The following PKD1L3 variants were observed in gnomAD, a reference collection of about 807,000 sequenced individuals.
PKD1L3 encodes the protein polycystin 1 like 3, transient receptor potential channel interacting.
A neutral mutation model predicts 184.1 loss-of-function variants in PKD1L3; 239 were observed. That is an observed-to-expected ratio of 1.30 (90% CI 1.17 to 1.45). PKD1L3 has a LOEUF of 1.45. PKD1L3 is among the 40% of genes most tolerant of loss of function. PKD1L3 has a pLI of 0.00. For missense variants in PKD1L3, 2,660 were observed against 2,067.2 expected, an observed-to-expected ratio of 1.29 and a Z score of -5.56; for synonymous variants, 996 against 778.8, an observed-to-expected ratio of 1.28 and a Z score of -4.64.
At chr16:71,938,056 G>A (rs992391488) in intron 24 of PKD1L3, among the ~76,000 whole-genome samples, 2 of 152,148 alleles carry the variant, frequency 1.3e-5, no homozygotes, top group Non-Finnish European at 2.9e-5. Flanking sequence ...GAGTTGGAGG[G>A]TTGGGAGCCC....
chr16:71,983,663 C>CTTTTTTTTTTTTTTTTTTTTTTTT (rs1180950058), intron 6 of PKD1L3, among the ~76,000 whole-genome samples: 4 of 100,308 alleles, frequency 4.0e-5, no homozygotes, highest in African/African-American at 1.6e-4. Flanking sequence ...GATTCTCTTT[C>CTTTTTTTTTTTTTTTTTTTTTTTT]TTTTTTTTTT....
chr16:71,977,000 C>A (rs189958279), intron 11 of PKD1L3, among the ~76,000 whole-genome samples: 348 of 152,360 alleles, frequency 2.3e-3, no homozygotes, highest in Non-Finnish European at 4.0e-3. Context: ...GCCTCGGCCT[C>A]CCAAAGTGCT....
At chr16:71,963,721 T>G (rs564483713) in intron 15 of PKD1L3, among the ~76,000 whole-genome samples, 1 of 152,240 alleles carries the variant, frequency 6.6e-6, no homozygotes, top group East Asian at 1.9e-4. Context: ...AGGTCAAGGC[T>G]GCAGTGAGTT....
chr16:71,930,523 C>T (rs1370016966), intron 28 of PKD1L3: 1 of 177,906 alleles, frequency 5.6e-6, no homozygotes, highest in African/African-American at 2.4e-5. Context: ...TAAGCAAACA[C>T]TGAAAGATTA....
chr16:71,954,403 A>T, intron 16 of PKD1L3, 102 bp from the exon 17 acceptor site: 1 of 841,954 alleles, frequency 1.2e-6, no homozygotes. Context: ...AGCAACTCCC[A>T]AGCCTCTATT....
At chr16:71,996,507 G>A (rs1037505030) in intron 2 of PKD1L3, among the ~76,000 whole-genome samples, 4 of 152,042 alleles carry the variant, frequency 2.6e-5, no homozygotes, top group Non-Finnish European at 5.9e-5. Flanking sequence ...TGATCCACCC[G>A]CCTTGGCCTC....
rs149510985 is a variant in PKD1L3, at chr16:71,986,228, G to C, written c.827C>G (p.Ser276Cys). 3 of 1,552,318 alleles carry C rather than the reference G, an allele frequency of 1.9e-6. No individual in the cohort carries two copies. Among genetic ancestry groups the C allele is most frequent in the Non-Finnish European group, 2.6e-6 (3 of 1,147,096 alleles). ...TGAATTTCCCATGTTTACCTGACCA[G>C]ATGCCTTCTGCAATGACACTTGTAG... The part of the protein sequence containing the change: ...SYLQVSLQKA[S>C]GQVIDEIAGN... Residue 276 changes from serine (S) to cysteine (C), a missense_variant, in exon 5 of 30, where the codon TCT becomes TGT. Ser to Cys is a moderately radical substitution (Grantham distance 112, BLOSUM62 -1). Transcript: ENST00000620267.
chr16:71,949,773 C>G lies in PKD1L3; in HGVS notation c.3618+10G>C, dbSNP rs1567503461. 2 of 1,546,024 alleles carry G rather than the reference C, an allele frequency of 1.3e-6. No homozygotes were observed. The highest frequency in any genetic ancestry group is 1.7e-6 in the Non-Finnish European group (2 of 1,143,416). On this transcript the variant is annotated intron_variant, in intron 21 of 29. Transcript: ENST00000620267. ...TGCAACTCCAATGGTTCTTCCCATCCCTCACATACCTTTACTGGCTGGCTG... is the reference window on the plus strand; with the variant it reads ...TGCAACTCCAATGGTTCTTCCCATCGCTCACATACCTTTACTGGCTGGCTG...
intron 12 of PKD1L3, among the ~76,000 whole-genome samples, chr16:71,971,875 G>A (rs1199933482): frequency 6.6e-6 from 1 of 152,126 alleles, no homozygotes; most frequent in Non-Finnish European, 1.5e-5. Context: ...GAGGTCGGGA[G>A]TTTGAGACCA....
chr16:71,990,626 C>G (rs376869117), intron 3 of PKD1L3, among the ~76,000 whole-genome samples: 12 of 151,658 alleles, frequency 7.9e-5, no homozygotes, highest in Non-Finnish European at 1.5e-4. Context: ...CCCAGCTACT[C>G]GGGAGGCTGA....
At chr16:71,997,574 C>A (rs990220860) in intron 2 of PKD1L3, among the ~76,000 whole-genome samples, 1 of 151,972 alleles carries the variant, frequency 6.6e-6, no homozygotes, top group African/African-American at 2.4e-5. Context: ...CATGGAGAAA[C>A]CCCATCTCTA....
At chr16:71,948,373 A>C (rs1464276470) in intron 21 of PKD1L3, among the ~76,000 whole-genome samples, 1 of 151,840 alleles carries the variant, frequency 6.6e-6, no homozygotes, top group Non-Finnish European at 1.5e-5. Flanking sequence ...GTGAGCCCCC[A>C]CAGCTGGCCT....
At chr16:71,980,917 A>C (rs1369210453) in intron 7 of PKD1L3, among the ~76,000 whole-genome samples, 1 of 152,194 alleles carries the variant, frequency 6.6e-6, no homozygotes, top group Non-Finnish European at 1.5e-5. Context: ...GGCAACAACG[A>C]ATCTACTTTA....
At chr16:71,952,819 C>A in intron 18 of PKD1L3, 75 bp downstream of exon 18, 2 of 1,438,324 alleles carry the variant, frequency 1.4e-6, no homozygotes, top group Non-Finnish European at 1.9e-6. Flanking sequence ...GTCTGTGCAA[C>A]AGAGCCAGAC....
chr16:71,947,171 C>T (rs979856517), intron 22 of PKD1L3, among the ~76,000 whole-genome samples: 1 of 152,048 alleles, frequency 6.6e-6, no homozygotes, highest in Non-Finnish European at 1.5e-5. Flanking sequence ...ACAGGAGAAT[C>T]GCTTGAACCC....
In PKD1L3 at chr16:71,997,146, G is replaced by A. The variant is rs371796800; in HGVS notation, c.418+1126C>T. Among the ~76,000 whole-genome samples the A allele has an allele frequency of 1.4e-4, 21 of 152,192 alleles. 1 individual carries two copies. Among genetic ancestry groups the A allele is most frequent in the Admixed American group, 1.0e-3 (16 of 15,280 alleles). On this transcript the variant is annotated intron_variant, in intron 2 of 29. Coordinates refer to ENST00000620267, the MANE Select transcript of PKD1L3 (RefSeq NM_181536.2). The stretch of plus-strand genomic sequence containing the variant: ...TGGTTTAATCATTCACCTGTTGACA[G>A]ACATCTGAATTGTTTCCAGTTTTGT...
At chr16:71,974,991 T>C (rs1445239775) in intron 11 of PKD1L3, among the ~76,000 whole-genome samples, 1 of 152,176 alleles carries the variant, frequency 6.6e-6, no homozygotes, top group African/African-American at 2.4e-5. Flanking sequence ...CAGTACTATA[T>C]TTAAAGTTGA....
chr16:71,961,086 T>C (rs2039260056), intron 16 of PKD1L3, among the ~76,000 whole-genome samples: 1 of 152,120 alleles, frequency 6.6e-6, no homozygotes, highest in African/African-American at 2.4e-5. Flanking sequence ...TTCCCACTTC[T>C]TGCTGAGAGT....
intron 5 of PKD1L3, among the ~76,000 whole-genome samples, chr16:71,985,067 A>T (rs1282182403): frequency 1.3e-5 from 2 of 152,140 alleles, no homozygotes; most frequent in Non-Finnish European, 2.9e-5. Context: ...AGAATACCTC[A>T]CTCACAGCCT....
Sources: allele counts gnomAD v4.1 joint callset (sites outside exome capture counted in the v4.1 genomes callset), GRCh38; gene constraint gnomAD v4.1.1; transcripts MANE v1.5; gene names NCBI Gene and HGNC (gene_info 2026-07-23, HGNC 2026-07-21).